Variants in ANKRD44 observed in about 807,000 individuals in gnomAD.
ANKRD44 encodes the protein ankyrin repeat domain 44.
In ANKRD44, 35 loss-of-function variants were observed where a neutral mutation model predicts 116.0. The ratio of observed to expected loss-of-function variants is 0.30; its 90% CI spans 0.23 to 0.40. ANKRD44 has a LOEUF of 0.40. Among genes scored for constraint, ANKRD44 ranks in the 10% least tolerant of loss-of-function variants. The probability of loss-of-function intolerance (pLI) is 1.00; values close to 1 mark genes in which losing one functional copy is unlikely to be tolerated. For synonymous variants in ANKRD44, 435 were observed against 461.8 expected, an observed-to-expected ratio of 0.94 and a Z score of 0.74; for missense variants, 1,014 against 1,242.6, an observed-to-expected ratio of 0.82 and a Z score of 2.77.
intron 1 of ANKRD44, among the ~76,000 whole-genome samples, chr2:197,242,017 T>A (rs2082100627): frequency 6.6e-6 from 1 of 152,198 alleles, no homozygotes; most frequent in Non-Finnish European, 1.5e-5. Context: ...AAATAGTCTA[T>A]ATATAAAAAC....
intron 2 of ANKRD44, among the ~76,000 whole-genome samples, chr2:197,179,495 T>G (rs914217473): frequency 6.6e-6 from 1 of 152,256 alleles, no homozygotes; most frequent in Admixed American, 6.5e-5. Context: ...ATATCCTTTA[T>G]GTTTACATGC....
In ANKRD44 at chr2:197,201,367, T is replaced by TA. The variant is rs1300004460; in HGVS notation, c.28-14262dup. Among the ~76,000 whole-genome samples, 3 of 152,238 alleles carry TA rather than the reference T, an allele frequency of 2.0e-5. No homozygotes were observed. Among genetic ancestry groups the TA allele is most frequent in the Non-Finnish European group, 2.9e-5 (2 of 68,044 alleles). ...TAAAACCTAATTTGCTGTGTGTTTT[T>TA]ATTTAGCAGAATTTTGAATGCCCGT... On this transcript the variant is annotated intron_variant, in intron 1 of 27. Transcript: ENST00000282272. The surrounding 1 kb of genome is among the most constrained non-coding windows in gnomAD (Gnocchi z 4.0).
At chr2:197,198,628 C>A (rs866508008) in intron 1 of ANKRD44, among the ~76,000 whole-genome samples, 1 of 151,700 alleles carries the variant, frequency 6.6e-6, no homozygotes, top group Non-Finnish European at 1.5e-5. Flanking sequence ...CCCGTCTCTA[C>A]TAAAAATACA....
chr2:196,993,555 G>A (rs1405825701), intron 27 of ANKRD44, 28 bp downstream of exon 27: 5 of 1,519,526 alleles, frequency 3.3e-6, no homozygotes, highest in Non-Finnish European at 4.5e-6. Context: ...GAAGGTACCT[G>A]CAGTCGCTGT....
In ANKRD44 at chr2:196,998,937, C is replaced by T; in HGVS notation, c.2635G>A (p.Ala879Thr). The T allele has an allele frequency of 6.2e-7, 1 of 1,614,210 alleles. No individual in the cohort carries two copies. The highest frequency in any genetic ancestry group is 8.5e-7 in the Non-Finnish European group (1 of 1,180,024). The change falls in exon 24 of 28, where the codon GCT (alanine) becomes ACT (threonine). Residue 879 changes from alanine (A) to threonine (T), a missense_variant. Transcript: ENST00000282272. ...GCGCCTGCCTGCCCATTCTCAGCAG[C>T]CATCATCAGTGCTGTTTTCCCTGAA... ...DNSGKTALMM[A>T]AENGQAGAVD...
chr2:197,008,072 A>G (rs2125912446), intron 19 of ANKRD44, 149 bp from the exon 20 acceptor site: 1 of 619,344 alleles, frequency 1.6e-6, no homozygotes, highest in African/African-American at 1.8e-5. Context: ...AGTTTGCTAT[A>G]CAATATGCAG....
At chr2:197,178,491 TA>T (rs997779117) in intron 2 of ANKRD44, among the ~76,000 whole-genome samples, 9 of 149,764 alleles carry the variant, frequency 6.0e-5, no homozygotes, top group Non-Finnish European at 1.0e-4. Context: ...AAATTTTAAC[TA>T]AAAAAAAAGA....
intron 21 of ANKRD44, among the ~76,000 whole-genome samples, chr2:196,970,974 A>T (rs2075711282): frequency 6.6e-6 from 1 of 152,202 alleles, no homozygotes; most frequent in South Asian, 2.1e-4. Context: ...AAGTCCTAGG[A>T]TTACAGGCAT....
intron 1 of ANKRD44, among the ~76,000 whole-genome samples, chr2:197,204,892 C>T (rs570013974): frequency 4.6e-5 from 7 of 152,312 alleles, no homozygotes; most frequent in East Asian, 1.9e-4. Context: ...AGGCAGAACC[C>T]GATCTAAAGG....
intron 18 of ANKRD44, among the ~76,000 whole-genome samples, chr2:197,011,444 GC>G (rs148248231): frequency 0.019 from 2,949 of 151,406 alleles, 43 homozygotes; most frequent in Middle Eastern, 0.043. Context: ...TGGTACAGTA[GC>G]TTTTTGAACT....
At chr2:197,051,799 A>G (rs545510940) in intron 16 of ANKRD44, among the ~76,000 whole-genome samples, 2 of 152,194 alleles carry the variant, frequency 1.3e-5, no homozygotes, top group East Asian at 3.9e-4. Flanking sequence ...CAGTGTCTGG[A>G]GTAAAAACGT....
intron 1 of ANKRD44, among the ~76,000 whole-genome samples, chr2:197,195,367 TG>T (rs1157186093): frequency 6.6e-6 from 1 of 152,168 alleles, no homozygotes; most frequent in Non-Finnish European, 1.5e-5. Flanking sequence ...CTGGCCAAAG[TG>T]TACACTGAGT....
chr2:197,250,821 T>G (rs1340818736), intron 1 of ANKRD44: 1 of 152,170 alleles, frequency 6.6e-6, no homozygotes, highest in East Asian at 1.9e-4. Context: ...AGAATTTACA[T>G]GGGTAACTGC....
At chr2:197,204,046 G>C (rs567670784) in intron 1 of ANKRD44, among the ~76,000 whole-genome samples, 44 of 152,274 alleles carry the variant, frequency 2.9e-4, no homozygotes, top group African/African-American at 1.0e-3. Context: ...ACAACACTGT[G>C]AATGTACCTT....
chr2:197,071,713 G>T (rs1332819230), intron 16 of ANKRD44, among the ~76,000 whole-genome samples: 2 of 152,110 alleles, frequency 1.3e-5, no homozygotes, highest in African/African-American at 4.8e-5. Flanking sequence ...CCTCTTGGTT[G>T]ATTATGTTAT....
chr2:197,137,025 G>A (rs1397663251), intron 3 of ANKRD44, among the ~76,000 whole-genome samples: 2 of 152,148 alleles, frequency 1.3e-5, no homozygotes, highest in African/African-American at 4.8e-5. Flanking sequence ...CCCATGCTCA[G>A]CTCTATGAAG....
At chr2:197,120,520 G>A (rs1270391229) in intron 8 of ANKRD44, among the ~76,000 whole-genome samples, 2 of 152,082 alleles carry the variant, frequency 1.3e-5, no homozygotes, top group Non-Finnish European at 2.9e-5. Context: ...GCATGGTGGT[G>A]CATGTCTGTA....
chr2:197,184,923 C>A (rs1004559184), intron 2 of ANKRD44, among the ~76,000 whole-genome samples: 11 of 152,220 alleles, frequency 7.2e-5, no homozygotes, highest in Admixed American at 2.0e-4. Flanking sequence ...CTAACCTTTA[C>A]CAGCTAGCAA....
chr2:197,310,633 G>T lies in ANKRD44; in HGVS notation c.-29C>A. The stretch of plus-strand genomic sequence containing the variant: ...TCCGCTCCTTCGCGCGCACACACAT[G>T]CAGGTCCCCGGCCCGCAGATGTCAC... On this transcript the variant is annotated 5_prime_UTR_variant, in exon 1 of 28. Transcript: ENST00000282272. The T allele has an allele frequency of 1.5e-6, 2 of 1,333,482 alleles. No homozygotes were observed. Among genetic ancestry groups the T allele is most frequent in the Non-Finnish European group, 9.8e-7 (1 of 1,018,272 alleles). 82.6% of individuals were successfully genotyped at this position (1,333,482 alleles called of 1,614,324 possible). A position where few individuals can be genotyped will look rare whatever the true frequency, so the allele number is the denominator to read the frequency against.
Sources: allele counts gnomAD v4.1 joint callset (sites outside exome capture counted in the v4.1 genomes callset), GRCh38; gene constraint gnomAD v4.1.1; non-coding constraint Gnocchi (gnomAD v3.1); transcripts MANE v1.5; gene names NCBI Gene and HGNC (gene_info 2026-07-23, HGNC 2026-07-21).